Variants in LRRC52 observed in about 807,000 individuals in gnomAD.
LRRC52 encodes the protein leucine-rich repeat-containing protein 52.
A neutral mutation model predicts 14.7 loss-of-function variants in LRRC52; 15 were observed. The ratio of observed to expected loss-of-function variants is 1.02; its 90% CI spans 0.68 to 1.58. The LOEUF is 1.58. Ranked by LOEUF, LRRC52 falls within the 40% of genes most tolerant of loss-of-function variation. The pLI is 0.00. For synonymous variants in LRRC52, 180 were observed against 163.9 expected (o/e 1.10, Z -0.75); for missense variants, 400 against 387.7 (o/e 1.03, Z -0.27).
At chr1:165,556,571 A>G (rs1436706071) in intron 1 of LRRC52, among the ~76,000 whole-genome samples, 1 of 152,246 alleles carries the variant, frequency 6.6e-6, no homozygotes, top group Non-Finnish European at 1.5e-5. Flanking sequence ...CAACATTGCC[A>G]TTAAGGTGAA....
At chr1:165,557,150 T>C (rs61800646) in intron 1 of LRRC52, among the ~76,000 whole-genome samples, 13,740 of 152,294 alleles carry the variant, frequency 0.09, 702 homozygotes, top group Non-Finnish European at 0.11. Context: ...AATTACCTTT[T>C]GATATCATGT....
Position 165,563,635 on chromosome 1 carries a change from C to T in LRRC52, c.753C>T (p.Ile251=), listed in dbSNP as rs772312807. 16 of 1,614,240 alleles carry T rather than the reference C, an allele frequency of 9.9e-6. No individual in the cohort carries two copies. The highest frequency in any genetic ancestry group is 1.3e-5 in the Non-Finnish European group (15 of 1,180,038). ...DHKDYIFLLL[I]GFCIFAAGTV... ...AAGACTACATCTTCCTGCTGCTCATCGGCTTCTGCATCTTCGCCGCGGGAA... is the reference window on the plus strand; with the variant it reads ...AAGACTACATCTTCCTGCTGCTCATTGGCTTCTGCATCTTCGCCGCGGGAA... The change falls in exon 2 of 2, where the codon ATC becomes ATT. Residue 251 remains isoleucine, a synonymous_variant. Transcript: ENST00000294818.
chr1:165,547,300 T>C (rs1466781302), intron 1 of LRRC52, among the ~76,000 whole-genome samples: 2 of 152,218 alleles, frequency 1.3e-5, no homozygotes, highest in African/African-American at 4.8e-5. Context: ...AGTTTAGTTA[T>C]AAATATAAGT....
At position 165,558,013 on chromosome 1, in the gene LRRC52, G is replaced by C. The variant is rs527285853; in HGVS notation, c.623-5492G>C. On this transcript the variant is annotated intron_variant, in intron 1 of 1. Coordinates refer to ENST00000294818, the MANE Select transcript of LRRC52 (RefSeq NM_001005214.4). ...GGGCAGAACTGGGGTCCCTCCTGAA[G>C]ACCAAGAAAAGAACCATTTCCCCTT... 3.3e-5 allele frequency among the ~76,000 whole-genome samples: 5 copies of C among 152,270 alleles called. No individual in the cohort carries two copies. In the South Asian group the frequency reaches 1.0e-3, roughly 32 times the overall value.
chr1:165,554,545 G>A (rs1661197429), intron 1 of LRRC52, among the ~76,000 whole-genome samples: 1 of 152,154 alleles, frequency 6.6e-6, no homozygotes, highest in Admixed American at 6.5e-5. Flanking sequence ...CCAGGCTGGG[G>A]TGATCCTCAG....
At chr1:165,562,205 T>A (rs76593835) in intron 1 of LRRC52, among the ~76,000 whole-genome samples, 24,158 of 152,272 alleles carry the variant, frequency 0.16, 2,063 homozygotes, top group South Asian at 0.22. Context: ...CTCAGTTTCC[T>A]TATTTGTAAG....
intron 1 of LRRC52, among the ~76,000 whole-genome samples, chr1:165,552,061 G>A (rs1661142297): frequency 1.3e-5 from 2 of 152,050 alleles, no homozygotes; most frequent in East Asian, 1.9e-4. Context: ...GCCTCCTGAG[G>A]GCAAGGAGGG....
chr1:165,558,372 C>A (rs1661611820), intron 1 of LRRC52, among the ~76,000 whole-genome samples: 1 of 152,148 alleles, frequency 6.6e-6, no homozygotes, highest in East Asian at 1.9e-4. Flanking sequence ...CAGTGCACAG[C>A]ATGTAAAACA....
At chr1:165,550,690 A>G (rs972638693) in intron 1 of LRRC52, among the ~76,000 whole-genome samples, 2 of 152,162 alleles carry the variant, frequency 1.3e-5, no homozygotes, top group Admixed American at 6.5e-5. Context: ...ACTCTGAAAC[A>G]TTTATTGTAT....
At chr1:165,548,576 C>A (rs1661069842) in intron 1 of LRRC52, among the ~76,000 whole-genome samples, 1 of 152,202 alleles carries the variant, frequency 6.6e-6, no homozygotes, top group Admixed American at 6.5e-5. Flanking sequence ...CACCCTCAGG[C>A]AGCAGAGCCC....
At position 165,563,569 on chromosome 1, in the gene LRRC52, G is replaced by A; in HGVS notation, c.687G>A (p.Gly229=). Residue 229 remains glycine, a synonymous_variant, in exon 2 of 2, where the codon GGG becomes GGA. Transcript: ENST00000294818. The stretch of plus-strand genomic sequence containing the variant: ...CAGGGTGGCCCATCACCCGGGTGGG[G>A]AACCCACTCCGATACATGTGCATCA... ...ELTGWPITRV[G]NPLRYMCITH... 1.9e-6 allele frequency: 3 copies of A among 1,614,218 alleles called. No homozygotes were observed. The highest frequency in any genetic ancestry group is 1.7e-6 in the Non-Finnish European group (2 of 1,180,034).
At chr1:165,554,665 C>T (rs2101829481) in intron 1 of LRRC52, among the ~76,000 whole-genome samples, 1 of 152,248 alleles carries the variant, frequency 6.6e-6, no homozygotes, top group African/African-American at 2.4e-5. Flanking sequence ...GAACTCCTGA[C>T]CTCAAGTGAT....
chr1:165,554,036 T>A (rs1226620492), intron 1 of LRRC52, among the ~76,000 whole-genome samples: 1 of 152,156 alleles, frequency 6.6e-6, no homozygotes, highest in Non-Finnish European at 1.5e-5. Flanking sequence ...CCTGCCTCTG[T>A]CACTTGCCGA....
intron 1 of LRRC52, 57 bp downstream of exon 1, chr1:165,544,975 G>A (rs1571103431): frequency 1.9e-6 from 3 of 1,587,348 alleles, no homozygotes; most frequent in Non-Finnish European, 2.6e-6. Context: ...TCCAGAAAAG[G>A]TGAACTCAAA....
chr1:165,556,321 C>A (rs981183850), intron 1 of LRRC52, among the ~76,000 whole-genome samples: 3 of 152,232 alleles, frequency 2.0e-5, no homozygotes, highest in African/African-American at 7.2e-5. Context: ...GTCAAGGTCT[C>A]ATCTCCATGT....
In LRRC52 at chr1:165,544,326, G is replaced by A. The variant is rs137987001; in HGVS notation, c.30G>A (p.Gly10=). 49 of 1,613,904 alleles carry A rather than the reference G, an allele frequency of 3.0e-5. No homozygotes were observed. The highest frequency in any genetic ancestry group is 5.0e-5 in the Admixed American group (3 of 59,988). MSLASGPGP[G]WLLFSFGMGL... The stretch of plus-strand genomic sequence containing the variant: ...CCCTTGCTTCAGGCCCTGGCCCTGG[G>A]TGGTTACTCTTTTCCTTTGGAATGG... The change falls in exon 1 of 2, where the codon GGG becomes GGA. Residue 10 remains glycine, a synonymous_variant. Coordinates refer to ENST00000294818, the MANE Select transcript of LRRC52 (RefSeq NM_001005214.4).
chr1:165,563,682 G>T lies in LRRC52; in HGVS notation c.800G>T (p.Gly267Val). 1.2e-6 allele frequency: 2 copies of T among 1,614,190 alleles called. No homozygotes were observed. The highest frequency in any genetic ancestry group is 1.7e-6 in the Non-Finnish European group (2 of 1,180,012). The change falls in exon 2 of 2, where the codon GGT becomes GTT. Residue 267 changes from glycine (G) to valine (V), a missense_variant. Transcript: ENST00000294818. ...GGAACTGTGGCTGCCTGGCTCACAG[G>T]TGTGTGTGCTGTGCTCTACCAGAAC... The part of the protein sequence containing the change: ...AAGTVAAWLT[G>V]VCAVLYQNTR...
Position 165,563,866 on chromosome 1 carries a change from T to G in LRRC52, c.*42T>G. 6.3e-7 allele frequency: 1 copy of G among 1,580,412 alleles called. No homozygotes were observed. Among genetic ancestry groups the G allele is most frequent in the Non-Finnish European group, 8.6e-7 (1 of 1,158,364 alleles). On this transcript the variant is annotated 3_prime_UTR_variant, in exon 2 of 2. Coordinates refer to ENST00000294818, the MANE Select transcript of LRRC52 (RefSeq NM_001005214.4). ...TCTTATGTGCCTCCCCCAGGCTCCCTGCTTTCTCTCTTGCCCTCCCCATCC... is the reference window on the plus strand; with the variant it reads ...TCTTATGTGCCTCCCCCAGGCTCCCGGCTTTCTCTCTTGCCCTCCCCATCC...
At chr1:165,560,996 G>C (rs944456496) in intron 1 of LRRC52, among the ~76,000 whole-genome samples, 2 of 151,942 alleles carry the variant, frequency 1.3e-5, no homozygotes, top group African/African-American at 4.8e-5. Flanking sequence ...AGAAGTGTGT[G>C]AAATGGCCCC....
Sources: gnomAD v4.1 joint callset for allele counts (sites outside exome capture counted in the v4.1 genomes callset) on GRCh38, gnomAD v4.1.1 for gene constraint, MANE v1.5 for transcripts, NCBI Gene and HGNC (gene_info 2026-07-23, HGNC 2026-07-21) for gene names.